The following SEMA6D variants were observed in gnomAD, a reference collection of about 807,000 sequenced individuals.
SEMA6D encodes the protein semaphorin-6D.
SEMA6D carries 35 observed loss-of-function variants against 106.6 expected under a neutral mutation model. The observed-to-expected ratio is 0.33, with a 90% CI of 0.25 to 0.44. The LOEUF (loss-of-function observed/expected upper bound fraction) is 0.44, where lower values mean the gene tolerates loss of function less well. Among genes scored for constraint, SEMA6D ranks in the 20% least tolerant of loss-of-function variants. SEMA6D has a pLI of 1.00. For synonymous variants in SEMA6D, 499 were observed against 487.7 expected (o/e 1.02, Z -0.31); for missense variants, 1,185 against 1,345.9 (o/e 0.88, Z 1.87).
chr15:47,587,830 G>A (rs1014431929), intron 3 of SEMA6D, among the ~76,000 whole-genome samples: 3 of 150,902 alleles, frequency 2.0e-5, no homozygotes, highest in Admixed American at 2.0e-4. Context: ...TTGACATTTC[G>A]GATTTCAGTA....
At chr15:47,336,506 C>T (rs2144309491) in intron 1 of SEMA6D, among the ~76,000 whole-genome samples, 1 of 152,294 alleles carries the variant, frequency 6.6e-6, no homozygotes, top group Non-Finnish European at 1.5e-5. Context: ...AGAATTTTCA[C>T]TAGAGGTGCA....
Position 47,766,600 on chromosome 15 carries a change from C to T in SEMA6D, c.1647-16C>T. 6.2e-7 allele frequency: 1 copy of T among 1,612,104 alleles called. No homozygotes were observed. The highest frequency in any genetic ancestry group is 1.1e-5 in the South Asian group (1 of 90,906). ...AGGCTGTTAACCGAAGACTTCTTTGCTTTCCATAACCACAGTGCTGAAGGA... is the reference window on the plus strand; with the variant it reads ...AGGCTGTTAACCGAAGACTTCTTTGTTTTCCATAACCACAGTGCTGAAGGA... On this transcript the variant is annotated splice_polypyrimidine_tract_variant and intron_variant, in intron 15 of 18. Transcript: ENST00000536845.
At chr15:47,552,830 T>TTTA (rs1555389636) in intron 3 of SEMA6D, among the ~76,000 whole-genome samples, 7 of 68,408 alleles carry the variant, frequency 1.0e-4, no homozygotes, top group Admixed American at 2.2e-4. Context: ...ATATATATTT[T>TTTA]TATATATATA....
intron 17 of SEMA6D, among the ~76,000 whole-genome samples, chr15:47,768,003 G>A (rs565731499): frequency 2.6e-5 from 4 of 152,244 alleles, no homozygotes; most frequent in East Asian, 1.9e-4. Flanking sequence ...CCCCTCCTTC[G>A]TTGTTTTACT....
intron 4 of SEMA6D, among the ~76,000 whole-genome samples, chr15:47,614,089 T>C (rs1198167157): frequency 6.6e-6 from 1 of 152,142 alleles, no homozygotes; most frequent in African/African-American, 2.4e-5. Flanking sequence ...AGCTACCCTG[T>C]AAGTAGAGAG....
chr15:47,454,599 G>GCACACACACACACACACACACACA (rs71118183), intron 2 of SEMA6D, among the ~76,000 whole-genome samples: 1 of 148,874 alleles, frequency 6.7e-6, no homozygotes, highest in African/African-American at 2.5e-5. Context: ...TTGCACATGT[G>GCACACACACACACACACACACACA]CACACACACA....
intron 12 of SEMA6D, 25 bp from the exon 13 acceptor site, chr15:47,764,858 T>C (rs781636743): frequency 6.2e-7 from 1 of 1,613,664 alleles, no homozygotes; most frequent in South Asian, 1.1e-5. Context: ...CCTCCCCTTC[T>C]GATCTGTGCC....
At position 47,763,855 on chromosome 15, in the gene SEMA6D, G is replaced by A. The variant is rs371404409; in HGVS notation, c.753G>A (p.Val251=). 1.4e-5 allele frequency: 22 copies of A among 1,612,660 alleles called. No homozygotes were observed. The highest frequency in any genetic ancestry group is 1.8e-5 in the Non-Finnish European group (21 of 1,179,802). ...TGCTTCTATCCGTTGGGCAGGCTGT[G>A]TATTCCCGCGTGGCCCGCATATGTA... ...AVEHNNLGKA[V]YSRVARICKN... is the part of the protein sequence containing the mutation. The change falls in exon 10 of 19, where the codon GTG becomes GTA. Residue 251 remains valine (V), a synonymous_variant. Coordinates refer to ENST00000536845, the MANE Select transcript of SEMA6D (RefSeq NM_001358351.3).
At chr15:47,452,939 C>G (rs1445864498) in intron 2 of SEMA6D, among the ~76,000 whole-genome samples, 1 of 151,810 alleles carries the variant, frequency 6.6e-6, no homozygotes, top group Non-Finnish European at 1.5e-5. Flanking sequence ...TTGAAATTAT[C>G]CCCATGAGTT....
At chr15:47,761,090 A>G (rs1169334394) in intron 4 of SEMA6D, 52 bp downstream of exon 4, 1 of 1,611,980 alleles carries the variant, frequency 6.2e-7, no homozygotes, top group South Asian at 1.1e-5. Context: ...AACCTGATTA[A>G]TTTTCCCACT....
chr15:47,451,421 C>G (rs2042189029), intron 2 of SEMA6D, among the ~76,000 whole-genome samples: 1 of 151,956 alleles, frequency 6.6e-6, no homozygotes, highest in Non-Finnish European at 1.5e-5. Context: ...CCAGTGTGAT[C>G]CAGATCAATC....
chr15:47,765,874 G>A lies in SEMA6D; in HGVS notation c.1433G>A (p.Ser478Asn), dbSNP rs532598. Residue 478 changes from serine (S) to asparagine (N), a missense_variant, in exon 14 of 19, where the codon AGT becomes AAT. Physicochemically the swap from Ser to Asn is conservative, Grantham distance 46 (BLOSUM62 1). Around this residue, in one of 3 missense-constraint regions of SEMA6D, gnomAD observed 750 missense variants for 783.5 expected, o/e 0.96. Coordinates refer to ENST00000536845, the MANE Select transcript of SEMA6D (RefSeq NM_001358351.3). ...EIEAYNHAKC[S>N]AENEEDKKVI... ...AAATGTATCCCACAAAATAGGTGCA[G>A]TGCTGAGAATGAGGAAGACAAAAAG... The A allele has an allele frequency of 0.36, 544,116 of 1,510,420 alleles. 102,674 individuals are homozygous for A. The highest frequency in any genetic ancestry group is 0.6 in the East Asian group (26,051 of 43,750). 93.6% of individuals were successfully genotyped at this position (1,510,420 alleles called of 1,614,324 possible).
intron 4 of SEMA6D, among the ~76,000 whole-genome samples, chr15:47,669,116 G>A (rs2078090358): frequency 6.6e-6 from 1 of 151,908 alleles, no homozygotes; most frequent in African/African-American, 2.4e-5. Context: ...GTTGGGCAGA[G>A]CCATCAGGCC....
At chr15:47,452,616 T>A (rs139528321) in intron 2 of SEMA6D, among the ~76,000 whole-genome samples, 73 of 152,034 alleles carry the variant, frequency 4.8e-4, no homozygotes, top group African/African-American at 1.7e-3. Flanking sequence ...AATGGGATGT[T>A]TTTGGGTTTG....
intron 3 of SEMA6D, among the ~76,000 whole-genome samples, chr15:47,483,471 CTTTA>C (rs1166333190): frequency 6.6e-6 from 1 of 152,114 alleles, no homozygotes; most frequent in East Asian, 1.9e-4. Context: ...TGCTCATTTT[CTTTA>C]TTCATCCAAA....
At chr15:47,459,028 A>G (rs945036320) in intron 2 of SEMA6D, among the ~76,000 whole-genome samples, 1 of 151,994 alleles carries the variant, frequency 6.6e-6, no homozygotes, top group Non-Finnish European at 1.5e-5. Context: ...CTTCTAACCC[A>G]TTACCTATGG....
intron 2 of SEMA6D, among the ~76,000 whole-genome samples, chr15:47,444,942 G>A (rs560742505): frequency 1.8e-4 from 28 of 152,244 alleles, no homozygotes; most frequent in African/African-American, 6.3e-4. Flanking sequence ...AAGGATGAAT[G>A]TGGGGGTTTT....
chr15:47,195,555 A>G (rs1894281537), intron 1 of SEMA6D, among the ~76,000 whole-genome samples: 1 of 152,126 alleles, frequency 6.6e-6, no homozygotes, highest in Non-Finnish European at 1.5e-5. Context: ...TGTGGTTATA[A>G]TTGTGTATTT....
intron 2 of SEMA6D, among the ~76,000 whole-genome samples, chr15:47,416,435 G>A (rs1250407738): frequency 6.6e-6 from 1 of 152,144 alleles, no homozygotes; most frequent in Non-Finnish European, 1.5e-5. Context: ...ATAAGGTTAA[G>A]TATGGGAAAT....
Sources: gnomAD v4.1 joint callset for allele counts (sites outside exome capture counted in the v4.1 genomes callset) on GRCh38, gnomAD v4.1.1 for gene constraint, gnomAD v4.1.1 regional missense constraint, MANE v1.5 for transcripts, NCBI Gene and HGNC (gene_info 2026-07-23, HGNC 2026-07-21) for gene names.